MTO1: variants seen among roughly 807,000 people sequenced by gnomAD.
The protein encoded by MTO1 is 5-taurinomethyluridine-[tRNA] synthase subunit MTO1, mitochondrial.
MTO1 carries 46 observed loss-of-function variants against 71.6 expected under a neutral mutation model. The ratio of observed to expected loss-of-function variants is 0.64; its 90% CI spans 0.51 to 0.82. The LOEUF (loss-of-function observed/expected upper bound fraction) is 0.82. Among genes scored for constraint, MTO1 ranks in the 40% least tolerant of loss-of-function variants. MTO1 has a pLI of 0.00. For missense variants in MTO1, 773 were observed against 867.5 expected (o/e 0.89, Z 1.37); for synonymous variants, 297 against 312.1 (o/e 0.95, Z 0.51).
intron 10 of MTO1, 129 bp from the exon 11 acceptor site, chr6:73,497,607 C>T (rs942378676): frequency 1.7e-5 from 15 of 899,106 alleles, no homozygotes; most frequent in Non-Finnish European, 2.1e-5. Context: ...CAACCCATCT[C>T]ATGAAATGAG....
intron 7 of MTO1, among the ~76,000 whole-genome samples, chr6:73,481,563 C>T (rs115985925): frequency 0.011 from 1,604 of 152,000 alleles, 25 homozygotes; most frequent in African/African-American, 0.037. Context: ...GCCAGGAGTT[C>T]GAGACCAGCC....
chr6:73,478,238 CTG>C (rs1771386403), intron 4 of MTO1, among the ~76,000 whole-genome samples: 1 of 142,674 alleles, frequency 7.0e-6, no homozygotes, highest in African/African-American at 2.6e-5. Flanking sequence ...GAGCAAGACT[CTG>C]TCTCAAAAAA....
At chr6:73,480,867 A>G (rs1771469507) in intron 7 of MTO1, 62 bp downstream of exon 7, 1 of 1,532,856 alleles carries the variant, frequency 6.5e-7, no homozygotes, top group Middle Eastern at 1.7e-4. Context: ...TTCTCCTTTT[A>G]ATGTCTGTTG....
chr6:73,482,789 C>CTTTTTTTTTTTTTTTT (rs35121302), intron 9 of MTO1, among the ~76,000 whole-genome samples, 169 bp downstream of exon 9: 16 of 92,136 alleles, frequency 1.7e-4, no homozygotes, highest in Admixed American at 4.6e-4. Flanking sequence ...TTTTTTCTTT[C>CTTTTTTTTTTTTTTTT]TTTTTTTTTT....
chr6:73,469,599 G>T lies in MTO1; in HGVS notation c.535+2993G>T, dbSNP rs528288762. Among the ~76,000 whole-genome samples the T allele has an allele frequency of 2.6e-4, 39 of 149,186 alleles. 1 individual carries two copies. Among genetic ancestry groups the T allele is most frequent in the Non-Finnish European group, 5.1e-4 (34 of 67,204 alleles). On this transcript the variant is annotated intron_variant, in intron 3 of 11. Coordinates refer to ENST00000498286, the MANE Select transcript of MTO1 (RefSeq NM_012123.4). ...ATCGTGCCACTGCACTCCAGCCTGG[G>T]CGACAAGAGTGAGACTCCATCTCTA... is the stretch of plus-strand genomic sequence containing the variant.
chr6:73,492,056 T>G, intron 9 of MTO1, 178 bp from the exon 10 acceptor site: 1 of 478,896 alleles, frequency 2.1e-6, no homozygotes. Context: ...GAGCCAAGAT[T>G]GTACCACTGC....
intron 10 of MTO1, 23 bp from the exon 11 acceptor site, chr6:73,497,713 A>G: frequency 6.2e-7 from 1 of 1,604,380 alleles, no homozygotes; most frequent in African/African-American, 1.3e-5. Flanking sequence ...GTATTATAAC[A>G]TGATTCTGAT....
At chr6:73,463,702 A>G (rs140600627) in intron 1 of MTO1, among the ~76,000 whole-genome samples, 3 of 152,160 alleles carry the variant, frequency 2.0e-5, no homozygotes, top group Non-Finnish European at 4.4e-5. Context: ...CTAAAAGATT[A>G]TACTTTTCTC....
chr6:73,463,750 TC>T (rs1330483862), intron 1 of MTO1, among the ~76,000 whole-genome samples: 2 of 152,132 alleles, frequency 1.3e-5, no homozygotes, highest in African/African-American at 2.4e-5. Context: ...TTCTTTTCTT[TC>T]ATTTTTGAGA....
intron 9 of MTO1, chr6:73,491,946 C>G: frequency 4.1e-6 from 1 of 244,874 alleles, no homozygotes; most frequent in South Asian, 5.3e-5. Context: ...ACTAAAAATA[C>G]AAAAAAATAG....
intron 11 of MTO1, among the ~76,000 whole-genome samples, chr6:73,499,994 G>C (rs968325476): frequency 6.6e-6 from 1 of 152,128 alleles, no homozygotes; most frequent in Non-Finnish European, 1.5e-5. Flanking sequence ...TGGCTTCAAG[G>C]ATTTCATTTC....
chr6:73,466,377 T>C lies in MTO1; in HGVS notation c.386T>C (p.Ile129Thr), dbSNP rs1201307484. 2.5e-6 allele frequency: 4 copies of C among 1,614,138 alleles called. No individual in the cohort carries two copies. Among genetic ancestry groups the C allele is most frequent in the Non-Finnish European group, 3.4e-6 (4 of 1,180,032 alleles). The change falls in exon 2 of 12, where the codon ATT (isoleucine) becomes ACT (threonine). Residue 129 changes from isoleucine to threonine, a missense_variant. Coordinates refer to ENST00000498286, the MANE Select transcript of MTO1 (RefSeq NM_012123.4). Reference sequence around the variant, plus strand: ...GCTGTGTGGGGTCTGAGAGCTCAGATTGATAGGAAACTCTATAAACAGAAC... The same window carrying C: ...GCTGTGTGGGGTCTGAGAGCTCAGACTGATAGGAAACTCTATAAACAGAAC... ...GPAVWGLRAQ[I>T]DRKLYKQNMQ...
At chr6:73,472,832 TAC>T (rs888039766) in intron 3 of MTO1, among the ~76,000 whole-genome samples, 1 of 152,170 alleles carries the variant, frequency 6.6e-6, no homozygotes, top group African/African-American at 2.4e-5. Context: ...TCTAAATATA[TAC>T]AGTTTTTTAT....
At chr6:73,469,321 T>TA (rs1771080860) in intron 3 of MTO1, among the ~76,000 whole-genome samples, 1 of 152,036 alleles carries the variant, frequency 6.6e-6, no homozygotes, top group African/African-American at 2.4e-5. Flanking sequence ...CCCAGCCTGT[T>TA]ACATTTTTAA....
intron 4 of MTO1, among the ~76,000 whole-genome samples, chr6:73,477,388 T>C (rs1771355128): frequency 3.0e-5 from 2 of 65,982 alleles, no homozygotes; most frequent in Non-Finnish European, 5.7e-5. Context: ...AGCAAGACTA[T>C]GTCTCAAAAA....
At position 73,484,481 on chromosome 6, in the gene MTO1, T is replaced by C. The variant is rs1012651824; in HGVS notation, c.1637+1861T>C. Among the ~76,000 whole-genome samples the C allele has an allele frequency of 3.0e-4, 46 of 152,100 alleles. 2 individuals carry two copies. Among genetic ancestry groups the C allele is most frequent in the Non-Finnish European group, 5.9e-5 (4 of 68,022 alleles). ...CTTTTATTGGGGCACTAATCCCACT[T>C]ATAAGCGCCAGAACCCTCATGCCCT... On this transcript the variant is annotated intron_variant, in intron 9 of 11. Transcript: ENST00000498286.
intron 4 of MTO1, among the ~76,000 whole-genome samples, chr6:73,474,403 G>A (rs544511848): frequency 6.6e-6 from 1 of 152,208 alleles, no homozygotes; most frequent in Non-Finnish European, 1.5e-5. Flanking sequence ...ATCTCTAAAA[G>A]GGATTAGCTA....
intron 4 of MTO1, among the ~76,000 whole-genome samples, chr6:73,474,922 T>G (rs1053129754): frequency 5.3e-5 from 8 of 150,814 alleles, no homozygotes; most frequent in Non-Finnish European, 4.4e-5. Context: ...CACTGGCTAA[T>G]TTTTGTATTT....
In MTO1 at chr6:73,461,739, C is replaced by T; in HGVS notation, c.-116C>T. 1 of 1,153,838 alleles carries T rather than the reference C, an allele frequency of 8.7e-7. No homozygotes were observed. The highest frequency in any genetic ancestry group is 1.2e-6 in the Non-Finnish European group (1 of 807,926). 71.5% of individuals were successfully genotyped at this position (1,153,838 alleles called of 1,614,324 possible). ...CAGCGGCGACGCTGGACGTAGACGT[C>T]CTACCCCGTGATATTAAAGCAAGAT... is the stretch of plus-strand genomic sequence containing the variant. On this transcript the variant is annotated 5_prime_UTR_variant, in exon 1 of 12. Coordinates refer to ENST00000498286, the MANE Select transcript of MTO1 (RefSeq NM_012123.4).
Sources: allele counts gnomAD v4.1 joint callset (sites outside exome capture counted in the v4.1 genomes callset), GRCh38; gene constraint gnomAD v4.1.1; transcripts MANE v1.5; gene names NCBI Gene and HGNC (gene_info 2026-07-23, HGNC 2026-07-21).